The following DPYD variants were observed in gnomAD, a reference collection of about 807,000 sequenced individuals.
DPYD encodes the protein dihydropyrimidine dehydrogenase.
DPYD carries 109 observed loss-of-function variants against 116.2 expected under a neutral mutation model. The ratio of observed to expected loss-of-function variants is 0.94; its 90% CI spans 0.80 to 1.10. The LOEUF is 1.10. DPYD is among the 50% of genes least tolerant of loss of function. DPYD has a pLI of 0.00. For missense variants in DPYD, 1,302 were observed against 1,254.5 expected, an observed-to-expected ratio of 1.04 and a Z score of -0.57; for synonymous variants, 440 against 432.0, an observed-to-expected ratio of 1.02 and a Z score of -0.23.
intron 18 of DPYD, among the ~76,000 whole-genome samples, chr1:97,250,186 C>A (rs916282816): frequency 6.6e-6 from 1 of 151,930 alleles, no homozygotes; most frequent in Non-Finnish European, 1.5e-5. Context: ...AGGAGAATCG[C>A]GTGAACATGG....
intron 18 of DPYD, among the ~76,000 whole-genome samples, chr1:97,299,683 T>A (rs1666746502): frequency 6.6e-6 from 1 of 152,134 alleles, no homozygotes; most frequent in South Asian, 2.1e-4. Context: ...GCTATTCTGC[T>A]GAAATGTCAA....
At chr1:97,102,791 T>A (rs1293775743) in intron 20 of DPYD, among the ~76,000 whole-genome samples, 1 of 151,938 alleles carries the variant, frequency 6.6e-6, no homozygotes, top group African/African-American at 2.4e-5. Flanking sequence ...TTGCTATTCA[T>A]TAAGGGCTAG....
rs182692955 is a variant in DPYD, at chr1:97,388,389, G to C, written c.1906-5928C>G. ...GTTTTAGAGACTTCAAAATAAAATGGTATTTGAAGTCACCAGGCTAGATGA... is the reference window on the plus strand; with the variant it reads ...GTTTTAGAGACTTCAAAATAAAATGCTATTTGAAGTCACCAGGCTAGATGA... On this transcript the variant is annotated intron_variant, in intron 14 of 22. Coordinates refer to ENST00000370192, the MANE Select transcript of DPYD (RefSeq NM_000110.4). Among the ~76,000 whole-genome samples the C allele has an allele frequency of 2.9e-3, 442 of 152,112 alleles. 2 individuals are homozygous for C. Among genetic ancestry groups the C allele is most frequent in the African/African-American group, 0.01 (429 of 41,514 alleles).
intron 18 of DPYD, among the ~76,000 whole-genome samples, chr1:97,238,559 G>A (rs1293827331): frequency 6.6e-6 from 1 of 152,078 alleles, no homozygotes; most frequent in Non-Finnish European, 1.5e-5. Context: ...AAAACTGTTG[G>A]TTTAAAGAAA....
chr1:97,661,249 G>A (rs1345481833), intron 8 of DPYD, among the ~76,000 whole-genome samples: 1 of 152,110 alleles, frequency 6.6e-6, no homozygotes, highest in Non-Finnish European at 1.5e-5. Flanking sequence ...TTTGAAGAGG[G>A]TAAACATAAA....
chr1:97,267,923 G>C (rs1258380803), intron 18 of DPYD, among the ~76,000 whole-genome samples: 3 of 152,066 alleles, frequency 2.0e-5, no homozygotes, highest in Non-Finnish European at 2.9e-5. Context: ...GTCAGATATG[G>C]GGGAAACCCA....
chr1:97,532,915 T>TG lies in DPYD; in HGVS notation c.1524+16644_1524+16645insC, dbSNP rs200083203. ...CTGCTAACTTTGGGCTTAGTTGTTTTTTTTTTTTGTTGTTGTTGTTGTTTT... is the reference window on the plus strand; with the variant it reads ...CTGCTAACTTTGGGCTTAGTTGTTTTGTTTTTTTTGTTGTTGTTGTTGTTTT... On this transcript the variant is annotated intron_variant, in intron 12 of 22. Coordinates refer to ENST00000370192, the MANE Select transcript of DPYD (RefSeq NM_000110.4). 5.3e-3 allele frequency among the ~76,000 whole-genome samples: 666 copies of TG among 125,986 alleles called. 6 individuals are homozygous for TG. Among genetic ancestry groups the TG allele is most frequent in the African/African-American group, 0.02 (628 of 31,146 alleles). The allele number at this position is 125,986 out of a possible 152,430, so 82.7% of individuals were successfully genotyped here. A position where few individuals can be genotyped will look rare whatever the true frequency, so the allele number is the denominator to read the frequency against.
chr1:97,511,142 A>G (rs1270648497), intron 13 of DPYD, among the ~76,000 whole-genome samples: 1 of 151,958 alleles, frequency 6.6e-6, no homozygotes, highest in African/African-American at 2.4e-5. Context: ...GCCAACCCAC[A>G]TGACTATAGT....
intron 2 of DPYD, among the ~76,000 whole-genome samples, chr1:97,836,012 T>C (rs531722267): frequency 7.9e-5 from 12 of 152,286 alleles, no homozygotes; most frequent in Non-Finnish European, 1.6e-4. Flanking sequence ...TCTAGGATAT[T>C]ATCCCTATAA....
chr1:97,155,039 G>T (rs1255347458), intron 20 of DPYD, among the ~76,000 whole-genome samples: 2 of 152,168 alleles, frequency 1.3e-5, no homozygotes, highest in African/African-American at 4.8e-5. Flanking sequence ...AGCTATAAAG[G>T]CTGTCTGAAC....
chr1:97,166,753 C>T (rs183127154), intron 20 of DPYD, among the ~76,000 whole-genome samples: 1 of 152,212 alleles, frequency 6.6e-6, no homozygotes, highest in East Asian at 1.9e-4. Flanking sequence ...TCTCTTAATT[C>T]AGAGGTATAA....
chr1:97,464,785 C>T (rs1243994771), intron 13 of DPYD, among the ~76,000 whole-genome samples: 2 of 152,184 alleles, frequency 1.3e-5, no homozygotes, highest in African/African-American at 4.8e-5. Context: ...ACGGGACCCT[C>T]ATGGAGAACC....
At chr1:97,174,155 CAA>C (rs1657085204) in intron 20 of DPYD, among the ~76,000 whole-genome samples, 3 of 151,986 alleles carry the variant, frequency 2.0e-5, no homozygotes, top group African/African-American at 7.3e-5. Flanking sequence ...GACGTTAGGG[CAA>C]AAGAGTCCAG....
chr1:97,829,556 T>C (rs2101486355), intron 2 of DPYD, among the ~76,000 whole-genome samples: 1 of 152,240 alleles, frequency 6.6e-6, no homozygotes, highest in South Asian at 2.1e-4. Flanking sequence ...TGAGATCAAA[T>C]TTGTTAGTTT....
At chr1:97,806,571 T>A (rs1456141270) in intron 3 of DPYD, among the ~76,000 whole-genome samples, 1 of 151,896 alleles carries the variant, frequency 6.6e-6, no homozygotes, top group Non-Finnish European at 1.5e-5. Flanking sequence ...TTCCCATATT[T>A]CTGCTACCCC....
At chr1:97,590,350 G>A (rs1654422045) in intron 10 of DPYD, among the ~76,000 whole-genome samples, 1 of 152,108 alleles carries the variant, frequency 6.6e-6, no homozygotes, top group Non-Finnish European at 1.5e-5. Context: ...AACTTGGAAG[G>A]TATTAGCCCG....
intron 5 of DPYD, among the ~76,000 whole-genome samples, chr1:97,704,663 G>T (rs902272507): frequency 2.0e-5 from 3 of 151,894 alleles, no homozygotes; most frequent in Admixed American, 1.3e-4. Context: ...ATTCCTAAGA[G>T]ATTTTTTCTT....
At chr1:97,530,679 T>A (rs1649551305) in intron 12 of DPYD, among the ~76,000 whole-genome samples, 2 of 152,350 alleles carry the variant, frequency 1.3e-5, no homozygotes, top group Admixed American at 1.3e-4. Flanking sequence ...TAGTTCTATT[T>A]TAAATTTTTT....
chr1:97,405,622 TCTC>T (rs1169354510), intron 14 of DPYD, among the ~76,000 whole-genome samples: 13 of 152,192 alleles, frequency 8.5e-5, no homozygotes, highest in Admixed American at 7.9e-4. Context: ...TTCAAACAAT[TCTC>T]CTGCCTCAGC....
Sources: allele counts gnomAD v4.1 joint callset (sites outside exome capture counted in the v4.1 genomes callset), GRCh38; gene constraint gnomAD v4.1.1; transcripts MANE v1.5; gene names NCBI Gene and HGNC (gene_info 2026-07-23, HGNC 2026-07-21).